PPP1CC: variants seen among roughly 807,000 people sequenced by gnomAD.
The protein encoded by PPP1CC is serine/threonine-protein phosphatase PP1-gamma catalytic subunit.
PPP1CC carries 16 observed loss-of-function variants against 38.4 expected under a neutral mutation model. The observed-to-expected ratio is 0.42, with a 90% confidence interval of 0.28 to 0.63. PPP1CC has a LOEUF of 0.63. Among genes scored for constraint, PPP1CC ranks in the 30% least tolerant of loss-of-function variants. The probability of loss-of-function intolerance (pLI) is 0.25; values close to 1 mark genes in which losing one functional copy is unlikely to be tolerated. For missense variants in PPP1CC, 170 were observed against 391.3 expected, an observed-to-expected ratio of 0.43 and a Z score of 4.77; for synonymous variants, 158 against 136.0, an observed-to-expected ratio of 1.16 and a Z score of -1.13.
intron 1 of PPP1CC, among the ~76,000 whole-genome samples, chr12:110,740,216 AG>A (rs1017848385): frequency 2.0e-5 from 3 of 152,214 alleles, no homozygotes; most frequent in African/African-American, 7.2e-5. Context: ...CAAAGTCACA[AG>A]TCATATTCCC....
chr12:110,716,552 C>A (rs1324227686), downstream of PPP1CC, among the ~76,000 whole-genome samples: 1 of 152,052 alleles, frequency 6.6e-6, no homozygotes, highest in East Asian at 1.9e-4. Context: ...AGGATTTCAC[C>A]ATGTTGGCCA....
intron 3 of PPP1CC, among the ~76,000 whole-genome samples, chr12:110,727,831 C>A (rs910249948): frequency 6.6e-6 from 1 of 152,100 alleles, no homozygotes; most frequent in African/African-American, 2.4e-5. Context: ...GACTGGATGG[C>A]AAATTATATC....
At position 110,722,300 on chromosome 12, in the gene PPP1CC, G is replaced by C. The variant is rs200211084; in HGVS notation, c.748-31C>G. On this transcript the variant is annotated intron_variant, in intron 5 of 6. Coordinates refer to ENST00000335007, the MANE Select transcript of PPP1CC (RefSeq NM_002710.4). This position sits in a 1 kb window ranked among gnomAD's most constrained non-coding sequence, Gnocchi z 5.4. ...AGAGAAAATTTTTTCAATATAAATA[G>C]GTGCAAATATTAGGTGAGTAAAACC... 1 of 1,607,170 alleles carries C rather than the reference G, an allele frequency of 6.2e-7. No homozygotes were observed. The highest frequency in any genetic ancestry group is 8.5e-7 in the Non-Finnish European group (1 of 1,174,668).
At chr12:110,717,511 A>G (rs568593877), downstream of PPP1CC, among the ~76,000 whole-genome samples, 6 of 152,232 alleles carry the variant, frequency 3.9e-5, no homozygotes, top group African/African-American at 1.4e-4. Flanking sequence ...CTCCTGCCTC[A>G]GGCTCCTGAG....
At chr12:110,716,658 TTTAAC>T (rs1193201436), downstream of PPP1CC, among the ~76,000 whole-genome samples, 8 of 152,244 alleles carry the variant, frequency 5.3e-5, no homozygotes, top group African/African-American at 1.7e-4. Flanking sequence ...CCAGCCTAGT[TTTAAC>T]TTTTTGATTA....
chr12:110,721,556 A>G (rs2069739260), intron 6 of PPP1CC: 1 of 172,562 alleles, frequency 5.8e-6, no homozygotes, highest in Non-Finnish European at 1.2e-5. Flanking sequence ...ATAATTGGTA[A>G]AAAACTATTT....
At chr12:110,709,977 A>G in the PPP1CC span, among the ~76,000 whole-genome samples, 208 of 141,770 alleles carry the variant, frequency 1.5e-3, 1 homozygote, top group African/African-American at 5.4e-3. Flanking sequence ...ATAATAATAA[A>G]GGAAAACAAA....
the PPP1CC span, among the ~76,000 whole-genome samples, chr12:110,712,995 C>G: frequency 6.6e-6 from 1 of 151,862 alleles, no homozygotes; most frequent in African/African-American, 2.4e-5. Context: ...ATTGCTTGAA[C>G]TTGGGAGGTG....
chr12:110,728,147 C>T (rs1440269057), intron 3 of PPP1CC, among the ~76,000 whole-genome samples: 1 of 152,174 alleles, frequency 6.6e-6, no homozygotes, highest in Non-Finnish European at 1.5e-5. Context: ...CGCCTGTAAT[C>T]CCAGCACTTT....
At chr12:110,715,733 C>G (rs910475785), downstream of PPP1CC, among the ~76,000 whole-genome samples, 2 of 152,064 alleles carry the variant, frequency 1.3e-5, no homozygotes, top group African/African-American at 4.8e-5. Flanking sequence ...ATTCTCCTGC[C>G]TCAGCCTCCT....
rs1051195497 is a variant in PPP1CC, at chr12:110,722,926, A to G, written c.524-231T>C. On this transcript the variant is annotated intron_variant, in intron 4 of 6. Transcript: ENST00000335007. This position sits in a 1 kb window ranked among gnomAD's most constrained non-coding sequence, Gnocchi z 5.4. ...TGCATGGGGTGCAGTAGGTTTAAAC[A>G]GTACATGGAAACAATTATATTATAC... Among the ~76,000 whole-genome samples, 1 of 152,270 alleles carries G rather than the reference A, an allele frequency of 6.6e-6. No homozygotes were observed. Among genetic ancestry groups the G allele is most frequent in the Non-Finnish European group, 1.5e-5 (1 of 68,040 alleles).
chr12:110,713,134 ACTTT>A, the PPP1CC span, among the ~76,000 whole-genome samples: 2 of 145,392 alleles, frequency 1.4e-5, no homozygotes, highest in African/African-American at 2.8e-5. Context: ...TTACATGTTG[ACTTT>A]CTTTTTTTTT....
At chr12:110,739,971 G>C (rs1378768992) in intron 1 of PPP1CC, among the ~76,000 whole-genome samples, 1 of 152,132 alleles carries the variant, frequency 6.6e-6, no homozygotes, top group Admixed American at 6.6e-5. Flanking sequence ...GCAGAGCTTG[G>C]ATAAAAGCAT....
chr12:110,715,930 CCTT>C (rs1470088687), downstream of PPP1CC, among the ~76,000 whole-genome samples: 1 of 150,660 alleles, frequency 6.6e-6, no homozygotes, highest in African/African-American at 2.5e-5. Flanking sequence ...CAGTATGCTA[CCTT>C]CTTAGCACCA....
chr12:110,716,937 G>A (rs185232067), downstream of PPP1CC, among the ~76,000 whole-genome samples: 1 of 152,316 alleles, frequency 6.6e-6, no homozygotes, highest in Admixed American at 6.5e-5. Flanking sequence ...TTGAGTCGTA[G>A]GCTGAAGGTG....
chr12:110,729,488 C>T (rs2069847738), intron 3 of PPP1CC, among the ~76,000 whole-genome samples: 1 of 152,168 alleles, frequency 6.6e-6, no homozygotes, highest in African/African-American at 2.4e-5. Context: ...CCACTGTGCC[C>T]AGCCTATTTT....
At chr12:110,730,811 A>G in intron 2 of PPP1CC, 52 bp from the exon 3 acceptor site, 1 of 1,216,422 alleles carries the variant, frequency 8.2e-7, no homozygotes, top group Non-Finnish European at 1.2e-6. Context: ...AGCTCAATCC[A>G]CTAACAAAGC....
At chr12:110,731,225 T>C (rs1008415001) in intron 2 of PPP1CC, among the ~76,000 whole-genome samples, 2 of 115,488 alleles carry the variant, frequency 1.7e-5, no homozygotes, top group Non-Finnish European at 3.3e-5. Context: ...TCAATGCATT[T>C]AGCTTTCAAT....
intron 1 of PPP1CC, among the ~76,000 whole-genome samples, chr12:110,736,017 C>T (rs2069940075): frequency 1.3e-5 from 2 of 152,048 alleles, no homozygotes; most frequent in Non-Finnish European, 2.9e-5. Context: ...GAGCCCAGAT[C>T]GCATCATCAC....
Sources: allele counts gnomAD v4.1 joint callset (sites outside exome capture counted in the v4.1 genomes callset), GRCh38; gene constraint gnomAD v4.1.1; non-coding constraint Gnocchi (gnomAD v3.1); transcripts MANE v1.5; gene names NCBI Gene and HGNC (gene_info 2026-07-23, HGNC 2026-07-21).